The following NCKAP5 variants were observed in gnomAD, a reference collection of about 807,000 sequenced individuals.
The protein encoded by NCKAP5 is NCK associated protein 5, also known as nck-associated protein 5.
Under a neutral mutation model 167.0 loss-of-function variants are expected in NCKAP5, and 92 were observed. The ratio of observed to expected loss-of-function variants is 0.55; its 90% CI spans 0.47 to 0.66. The LOEUF is 0.66. NCKAP5 is among the 30% of genes least tolerant of loss of function. The probability of loss-of-function intolerance (pLI) is 0.00; values close to 1 mark genes in which losing one functional copy is unlikely to be tolerated. For missense variants in NCKAP5, 2,378 were observed against 2,315.0 expected (o/e 1.03, Z -0.56); for synonymous variants, 891 against 877.4 (o/e 1.02, Z -0.27).
intron 16 of NCKAP5, among the ~76,000 whole-genome samples, chr2:132,754,924 T>C (rs915864248): frequency 6.6e-6 from 1 of 152,240 alleles, no homozygotes; most frequent in African/African-American, 2.4e-5. Flanking sequence ...AGAATCAGAT[T>C]GGATAAGCTC....
At chr2:133,458,583 T>G (rs1574989405) in intron 3 of NCKAP5, among the ~76,000 whole-genome samples, 1 of 152,258 alleles carries the variant, frequency 6.6e-6, no homozygotes, top group South Asian at 2.1e-4. Context: ...ACACTGAGTC[T>G]TTTGGATTCT....
intron 3 of NCKAP5, among the ~76,000 whole-genome samples, chr2:133,477,811 G>A (rs1486527714): frequency 1.3e-5 from 2 of 152,162 alleles, no homozygotes; most frequent in African/African-American, 4.8e-5. Flanking sequence ...TGGACCTGCT[G>A]GATGAAGGGA....
intron 6 of NCKAP5, among the ~76,000 whole-genome samples, chr2:133,124,682 T>C (rs1559163550): frequency 6.6e-6 from 1 of 152,196 alleles, no homozygotes; most frequent in Non-Finnish European, 1.5e-5. Flanking sequence ...TAAATTCTAC[T>C]TTTTCTTGAG....
At chr2:133,545,001 G>A (rs1450646653) in intron 2 of NCKAP5, among the ~76,000 whole-genome samples, 1 of 152,090 alleles carries the variant, frequency 6.6e-6, no homozygotes, top group Non-Finnish European at 1.5e-5. Flanking sequence ...CTTAAGGGTA[G>A]TTCTCCATAG....
At chr2:132,919,780 C>T (rs1385164680) in intron 8 of NCKAP5, among the ~76,000 whole-genome samples, 1 of 152,134 alleles carries the variant, frequency 6.6e-6, no homozygotes. Context: ...CAAGACGATG[C>T]ATCAACTCTA....
intron 3 of NCKAP5, among the ~76,000 whole-genome samples, chr2:133,328,985 T>C (rs966729369): frequency 6.6e-6 from 1 of 152,146 alleles, no homozygotes; most frequent in African/African-American, 2.4e-5. Context: ...CCTTTTATTA[T>C]AAAGAAAAAG....
At chr2:133,441,096 A>ACACACACACACACACACACT (rs1336947620) in intron 3 of NCKAP5, among the ~76,000 whole-genome samples, 3 of 564 alleles carry the variant, frequency 5.3e-3, no homozygotes, top group African/African-American at 0.024. Flanking sequence ...ACACACACTC[A>ACACACACACACACACACACT]CACACACACA....
intron 16 of NCKAP5, among the ~76,000 whole-genome samples, chr2:132,751,393 C>A (rs1179504021): frequency 6.6e-6 from 1 of 152,136 alleles, no homozygotes; most frequent in African/African-American, 2.4e-5. Flanking sequence ...GCCTGCAGAA[C>A]CACAAGCCAA....
intron 6 of NCKAP5, among the ~76,000 whole-genome samples, chr2:133,081,379 G>A (rs1239331516): frequency 6.6e-6 from 1 of 152,054 alleles, no homozygotes; most frequent in African/African-American, 2.4e-5. Flanking sequence ...ACAAACAAAA[G>A]CACAAAAGGA....
At chr2:133,498,433 C>CAGAAGGAA (rs1399663293) in intron 3 of NCKAP5, among the ~76,000 whole-genome samples, 3 of 100,352 alleles carry the variant, frequency 3.0e-5, no homozygotes, top group Admixed American at 1.1e-4. Flanking sequence ...ATGAGAAAAA[C>CAGAAGGAA]GGAAGGAAGG....
chr2:132,944,858 G>A (rs950323172), intron 8 of NCKAP5, among the ~76,000 whole-genome samples: 5 of 152,156 alleles, frequency 3.3e-5, no homozygotes, highest in Non-Finnish European at 5.9e-5. Context: ...AGAAGTCACT[G>A]CTTTCCTGGA....
the NCKAP5 span, among the ~76,000 whole-genome samples, chr2:133,574,678 TC>T: frequency 6.7e-6 from 1 of 150,314 alleles, no homozygotes; most frequent in Non-Finnish European, 1.5e-5. Context: ...TTTGCTCTGA[TC>T]ACCTGATATT....
At chr2:133,415,348 G>A (rs1039671630) in intron 3 of NCKAP5, among the ~76,000 whole-genome samples, 6 of 152,204 alleles carry the variant, frequency 3.9e-5, no homozygotes, top group Non-Finnish European at 5.9e-5. Context: ...TGAAAGTAAT[G>A]GCTGTGACAT....
At chr2:132,866,992 A>G (rs1690407189) in intron 10 of NCKAP5, among the ~76,000 whole-genome samples, 1 of 152,130 alleles carries the variant, frequency 6.6e-6, no homozygotes, top group Non-Finnish European at 1.5e-5. Context: ...AGCCCCCAGC[A>G]TCTCTTTCTG....
intron 6 of NCKAP5, among the ~76,000 whole-genome samples, chr2:133,064,600 AG>A (rs1401545662): frequency 6.6e-6 from 1 of 152,244 alleles, no homozygotes; most frequent in African/African-American, 2.4e-5. Flanking sequence ...TGTTGTAAAA[AG>A]CCTAAGGAAG....
intron 11 of NCKAP5, among the ~76,000 whole-genome samples, chr2:132,814,954 GCA>G (rs1431857070): frequency 6.6e-6 from 1 of 152,194 alleles, no homozygotes; most frequent in East Asian, 1.9e-4. Flanking sequence ...TGTGAAGCAG[GCA>G]CCCAGAAGGA....
intron 6 of NCKAP5, among the ~76,000 whole-genome samples, chr2:133,071,867 G>A (rs2080418152): frequency 6.6e-6 from 1 of 152,152 alleles, no homozygotes; most frequent in African/African-American, 2.4e-5. Flanking sequence ...CATAGACTAG[G>A]AGCCAACCTA....
chr2:133,210,173 AATAAT>A (rs60915406), intron 5 of NCKAP5, among the ~76,000 whole-genome samples: 1 of 145,070 alleles, frequency 6.9e-6, no homozygotes, highest in Non-Finnish European at 1.5e-5. Context: ...CTCAAAAATA[AATAAT>A]ATAATATAAT....
At chr2:133,080,843 A>T (rs2080779073) in intron 6 of NCKAP5, among the ~76,000 whole-genome samples, 1 of 152,174 alleles carries the variant, frequency 6.6e-6, no homozygotes, top group South Asian at 2.1e-4. Flanking sequence ...GTAGTGAAAG[A>T]TTTCAGAGAC....
Sources: gnomAD v4.1 joint callset for allele counts (sites outside exome capture counted in the v4.1 genomes callset) on GRCh38, gnomAD v4.1.1 for gene constraint, MANE v1.5 for transcripts, NCBI Gene and HGNC (gene_info 2026-07-23, HGNC 2026-07-21) for gene names.